MEI4: variants seen among roughly 807,000 people sequenced by gnomAD.
MEI4 encodes the protein meiosis-specific protein MEI4.
MEI4 carries 27 observed loss-of-function variants against 31.4 expected under a neutral mutation model. The ratio of observed to expected loss-of-function variants is 0.86; its 90% CI spans 0.63 to 1.19. The LOEUF (loss-of-function observed/expected upper bound fraction) is 1.19. Ranked by LOEUF, MEI4 falls within the 50% of genes most tolerant of loss-of-function variation. The pLI, the probability that MEI4 is intolerant of heterozygous loss-of-function variation, is 0.00. For missense variants in MEI4, 329 were observed against 398.9 expected (o/e 0.82, Z 1.49); for synonymous variants, 122 against 145.4 (o/e 0.84, Z 1.16).
chr6:77,904,879 ATTAT>A (rs1351578842), intron 4 of MEI4, among the ~76,000 whole-genome samples: 1 of 152,080 alleles, frequency 6.6e-6, no homozygotes, highest in Non-Finnish European at 1.5e-5. Context: ...TTTAGCTATT[ATTAT>A]TTTTAGTATT....
chr6:77,752,655 A>G (rs1767806449), intron 2 of MEI4, among the ~76,000 whole-genome samples: 1 of 152,252 alleles, frequency 6.6e-6, no homozygotes, highest in Non-Finnish European at 1.5e-5. Context: ...GATAGGAAGA[A>G]TCATATCACA....
chr6:77,675,877 A>G (rs1481378067), intron 1 of MEI4, among the ~76,000 whole-genome samples: 1 of 152,166 alleles, frequency 6.6e-6, no homozygotes, highest in Non-Finnish European at 1.5e-5. Flanking sequence ...ATTTCAGCCG[A>G]GTGTCCCTGA....
Position 77,761,626 on chromosome 6 carries a change from C to T in MEI4, c.729C>T (p.Thr243=). ...CSKKLEEFEK[T]LLHAILGNNH... is the part of the protein sequence containing the mutation. ...AGAAGTTGGAAGAATTTGAGAAAAC[C>T]CTACTACATGCTATTTTAGGAAACA... The change falls in exon 3 of 5, where the codon ACC becomes ACT. Residue 243 remains threonine, a synonymous_variant. Transcript: ENST00000684080. 1 of 1,231,752 alleles carries T rather than the reference C, an allele frequency of 8.1e-7. No individual in the cohort carries two copies. Among genetic ancestry groups the T allele is most frequent in the Non-Finnish European group, 1.0e-6 (1 of 987,726 alleles). 76.3% of individuals were successfully genotyped at this position (1,231,752 alleles called of 1,614,324 possible).
chr6:77,915,923 C>T (rs958164385), intron 4 of MEI4, among the ~76,000 whole-genome samples: 1 of 151,878 alleles, frequency 6.6e-6, no homozygotes, highest in African/African-American at 2.4e-5. Flanking sequence ...TATCATGGTG[C>T]CAATGTCACA....
chr6:77,876,443 G>A (rs557754327), intron 4 of MEI4, among the ~76,000 whole-genome samples: 1 of 152,128 alleles, frequency 6.6e-6, no homozygotes, highest in African/African-American at 2.4e-5. Context: ...CTTAGCCATG[G>A]GATGGCCTTC....
In MEI4 at chr6:77,923,487, G is replaced by GGTTAGTCTTAAATT. The variant is rs1426738406; in HGVS notation, c.*144_*157dup. On this transcript the variant is annotated 3_prime_UTR_variant, in exon 5 of 5. Transcript: ENST00000684080. Reference sequence around the variant, plus strand: ...AATATAATTATCAATTCAACTTAATGGTTAGTCTTAAATTGTATGAAATTT... The same window carrying GGTTAGTCTTAAATT: ...AATATAATTATCAATTCAACTTAATGGTTAGTCTTAAATTGTTAGTCTTAAATTGTATGAAATTT... 1 of 731,116 alleles carries GGTTAGTCTTAAATT rather than the reference G, an allele frequency of 1.4e-6. No homozygotes were observed. The highest frequency in any genetic ancestry group is 1.9e-6 in the Non-Finnish European group (1 of 534,942). The allele number at this position is 731,116 out of a possible 1,614,324, so 45.3% of individuals were successfully genotyped here. A position where few individuals can be genotyped will look rare whatever the true frequency, so the allele number is the denominator to read the frequency against.
chr6:77,777,635 C>T (rs530569022), intron 3 of MEI4, among the ~76,000 whole-genome samples: 10 of 152,262 alleles, frequency 6.6e-5, no homozygotes, highest in African/African-American at 2.4e-4. Context: ...GCCTCACCCA[C>T]GAACCAAGAG....
chr6:77,877,529 T>C (rs1428479997), intron 4 of MEI4, among the ~76,000 whole-genome samples: 1 of 152,112 alleles, frequency 6.6e-6, no homozygotes, highest in Non-Finnish European at 1.5e-5. Flanking sequence ...CCAACCTTTT[T>C]GACTCACATA....
At chr6:77,855,767 T>C (rs1054565158) in intron 4 of MEI4, among the ~76,000 whole-genome samples, 1 of 152,166 alleles carries the variant, frequency 6.6e-6, no homozygotes, top group Admixed American at 6.5e-5. Context: ...TTAACAAAGT[T>C]CTTTACAAGG....
intron 3 of MEI4, among the ~76,000 whole-genome samples, chr6:77,790,773 G>C (rs1209079049): frequency 1.3e-5 from 2 of 151,830 alleles, no homozygotes; most frequent in Non-Finnish European, 2.9e-5. Context: ...CAAAAAAATT[G>C]TATCTAATAG....
chr6:77,670,087 C>T (rs1472569025), intron 1 of MEI4, among the ~76,000 whole-genome samples: 1 of 152,078 alleles, frequency 6.6e-6, no homozygotes, highest in African/African-American at 2.4e-5. Context: ...CAAGACAGAC[C>T]CTTTCATTGT....
chr6:77,761,166 A>G lies in MEI4; in HGVS notation c.269A>G (p.Lys90Arg). The G allele has an allele frequency of 8.1e-7, 1 of 1,232,098 alleles. No homozygotes were observed. The highest frequency in any genetic ancestry group is 1.0e-6 in the Non-Finnish European group (1 of 987,910). The allele number at this position is 1,232,098 out of a possible 1,614,324, so 76.3% of individuals were successfully genotyped here. Residue 90 changes from lysine to arginine, a missense_variant, in exon 3 of 5, where the codon AAG becomes AGG. Coordinates refer to ENST00000684080, the MANE Select transcript of MEI4 (RefSeq NM_001322247.2). ...VSSQLEAQEP[K>R]SSESTLTSME... is the part of the protein sequence containing the mutation. ...TCCCAGTTGGAGGCTCAGGAACCTA[A>G]GAGTTCTGAAAGTACATTAACTTCG...
intron 3 of MEI4, among the ~76,000 whole-genome samples, chr6:77,788,783 G>A (rs1235361982): frequency 1.3e-5 from 2 of 152,168 alleles, no homozygotes; most frequent in Admixed American, 6.5e-5. Flanking sequence ...AACATTCCAT[G>A]CTCATGGGTA....
At chr6:77,838,896 T>C (rs563674900) in intron 4 of MEI4, among the ~76,000 whole-genome samples, 109 of 148,800 alleles carry the variant, frequency 7.3e-4, no homozygotes, top group African/African-American at 2.6e-3. Context: ...AGAGCGAAAC[T>C]CTATCTCAAA....
intron 4 of MEI4, among the ~76,000 whole-genome samples, chr6:77,900,277 G>A (rs1294354492): frequency 1.3e-5 from 2 of 151,904 alleles, no homozygotes; most frequent in African/African-American, 2.4e-5. Flanking sequence ...AAAACAGTAG[G>A]GAGATTCCTC....
At chr6:77,908,116 G>GCAAAAAAAAA (rs1766343388) in intron 4 of MEI4, among the ~76,000 whole-genome samples, 1 of 151,796 alleles carries the variant, frequency 6.6e-6, no homozygotes, top group Non-Finnish European at 1.5e-5. Context: ...CACTCTGATG[G>GCAAAAAAAAA]TAGTTTCTTT....
chr6:77,707,070 T>G (rs1766349397), intron 2 of MEI4, among the ~76,000 whole-genome samples: 1 of 123,424 alleles, frequency 8.1e-6, no homozygotes, highest in African/African-American at 2.8e-5. Context: ...TGGGAGAGTT[T>G]GGAGAGCTAA....
At chr6:77,890,912 C>G (rs1771750623) in intron 4 of MEI4, among the ~76,000 whole-genome samples, 1 of 152,174 alleles carries the variant, frequency 6.6e-6, no homozygotes, top group Admixed American at 6.5e-5. Flanking sequence ...TTCACTTCCC[C>G]TTCCACCATG....
chr6:77,765,041 C>T (rs1160487738), intron 3 of MEI4, among the ~76,000 whole-genome samples: 2 of 152,104 alleles, frequency 1.3e-5, no homozygotes, highest in African/African-American at 4.8e-5. Context: ...TTATTTTTAG[C>T]ACAGTGATCA....
Sources: allele counts gnomAD v4.1 joint callset (sites outside exome capture counted in the v4.1 genomes callset), GRCh38; gene constraint gnomAD v4.1.1; transcripts MANE v1.5; gene names NCBI Gene and HGNC (gene_info 2026-07-23, HGNC 2026-07-21).